The following PGM3 variants were observed in gnomAD, a reference collection of about 807,000 sequenced individuals.
The protein encoded by PGM3 is phosphoglucomutase 3, also known as phosphoacetylglucosamine mutase.
Under a neutral mutation model 66.2 loss-of-function variants are expected in PGM3, and 40 were observed. The observed-to-expected ratio is 0.60, with a 90% CI of 0.47 to 0.79. PGM3 has a LOEUF of 0.79. PGM3 is among the 30% of genes least tolerant of loss of function. The probability of loss-of-function intolerance (pLI) is 0.00; values close to 1 mark genes in which losing one functional copy is unlikely to be tolerated. For synonymous variants in PGM3, 191 were observed against 224.2 expected, an observed-to-expected ratio of 0.85 and a Z score of 1.32; for missense variants, 537 against 643.4, an observed-to-expected ratio of 0.83 and a Z score of 1.79.
the PGM3 span, chr6:83,153,457 G>A: frequency 2.6e-6 from 3 of 1,160,804 alleles, no homozygotes; most frequent in Non-Finnish European, 2.5e-6. Flanking sequence ...CAGTACCTTG[G>A]GATGATGTCA....
At position 83,188,793 on chromosome 6, in the gene PGM3, GT is replaced by G. The variant is rs1562430986; in HGVS notation, c.209del (p.Asp70AlafsTer4). On this transcript the variant is annotated frameshift_variant, in exon 3 of 13. Coordinates refer to ENST00000513973, the MANE Select transcript of PGM3 (RefSeq NM_015599.3). LOFTEE classifies it high-confidence loss of function. ...AAGGATCAACCAATTTTACACCATT[GT>G]CTTCCTTAAAAGAAAAACAAACAAT... The part of the protein sequence containing the change: ...MVTASHNPEE[D>X]NGVKLVDPLG... 6.2e-7 allele frequency: 1 copy of G among 1,613,618 alleles called. No individual in the cohort carries two copies. The highest frequency in any genetic ancestry group is 8.5e-7 in the Non-Finnish European group (1 of 1,179,688).
At chr6:83,173,292 A>G (rs1192897412) in intron 10 of PGM3, among the ~76,000 whole-genome samples, 1 of 151,662 alleles carries the variant, frequency 6.6e-6, no homozygotes, top group East Asian at 1.9e-4. Context: ...AATGAAAGGT[A>G]TAACAAAGAA....
downstream of PGM3, among the ~76,000 whole-genome samples, chr6:83,156,867 C>G (rs1782912771): frequency 6.6e-6 from 1 of 151,364 alleles, no homozygotes; most frequent in African/African-American, 2.4e-5. Context: ...CAGTGCTACT[C>G]AAAGTATGGT....
Position 83,190,817 on chromosome 6 carries a change from T to C in PGM3, c.196A>G (p.Asn66Asp), listed in dbSNP as rs1036699399. The C allele has an allele frequency of 6.2e-6, 10 of 1,612,964 alleles. No individual in the cohort carries two copies. Among genetic ancestry groups the C allele is most frequent in the Non-Finnish European group, 8.5e-6 (10 of 1,179,058 alleles). Residue 66 changes from asparagine (N) to aspartate (D), a missense_variant, in exon 2 of 13, where the codon AAT becomes GAT. Asn to Asp is a conservative substitution (Grantham distance 23). Transcript: ENST00000513973. Reference sequence around the variant, plus strand: ...GGCACTAAACCCATTACCTCAGGATTGTGGGACGCTGTTACCATGACTCCT... The same window carrying C: ...GGCACTAAACCCATTACCTCAGGATCGTGGGACGCTGTTACCATGACTCCT... ...TIGVMVTASH[N>D]PEEDNGVKLV...
chr6:83,187,128 T>G, intron 3 of PGM3, 53 bp from the exon 4 acceptor site: 1 of 1,164,288 alleles, frequency 8.6e-7, no homozygotes, highest in South Asian at 1.3e-5. Flanking sequence ...CTGGCAGGGT[T>G]GCTGGTTCTG....
Position 83,170,412 on chromosome 6 carries a change from G to A in PGM3, c.1432C>T (p.Gln478Ter). ...ERQAVTPPGL[Q>*]EAINDLVKKY... is the part of the protein sequence containing the mutation. ...TTCACCAGGTCATTGATTGCCTCCT[G>A]TAATCCTGGGGGTGTAACTGCTTGT... is the stretch of plus-strand genomic sequence containing the variant. Residue 478 changes from glutamine to a stop codon, truncating the protein, a stop_gained, in exon 12 of 13, where the codon CAG (glutamine) becomes TAG (stop). Coordinates refer to ENST00000513973, the MANE Select transcript of PGM3 (RefSeq NM_015599.3). LOFTEE classifies it high-confidence loss of function. 9.3e-6 allele frequency: 15 copies of A among 1,614,010 alleles called. No individual in the cohort carries two copies. The highest frequency in any genetic ancestry group is 1.2e-5 in the Non-Finnish European group (14 of 1,179,916).
chr6:83,160,089 T>G (rs948667660), downstream of PGM3: 6 of 898,608 alleles, frequency 6.7e-6, no homozygotes, highest in African/African-American at 8.4e-5. Context: ...AAAATGTAAT[T>G]CTTTTGGCAC....
At chr6:83,192,586 G>A (rs1358357516) in intron 1 of PGM3, among the ~76,000 whole-genome samples, 1 of 152,074 alleles carries the variant, frequency 6.6e-6, no homozygotes, top group Non-Finnish European at 1.5e-5. Flanking sequence ...GTTCAAGACA[G>A]TGATCAGATC....
the PGM3 span, among the ~76,000 whole-genome samples, chr6:83,149,776 G>A: frequency 1.5e-4 from 23 of 152,190 alleles, no homozygotes; most frequent in African/African-American, 5.3e-4. Flanking sequence ...GATAAAGAAG[G>A]AGAAGGGGCC....
chr6:83,153,705 T>C, the PGM3 span: 1 of 1,250,378 alleles, frequency 8.0e-7, no homozygotes, highest in Non-Finnish European at 1.1e-6. Context: ...ATTTCTAGAA[T>C]TATCATAAAA....
intron 4 of PGM3, among the ~76,000 whole-genome samples, chr6:83,183,731 A>AT (rs909606033): frequency 3.3e-4 from 49 of 147,734 alleles, no homozygotes; most frequent in African/African-American, 4.2e-4. Flanking sequence ...TTTGTCATGA[A>AT]TTTTTTTTTT....
At position 83,168,302 on chromosome 6, in the gene PGM3, G is replaced by A; in HGVS notation, c.*932C>T. ...CAGATTGTATTTAATTTAAATATTT[G>A]TATATAAGAGCAAATGTCTGAATGT... On this transcript the variant is annotated 3_prime_UTR_variant, in exon 13 of 13. Coordinates refer to ENST00000513973, the MANE Select transcript of PGM3 (RefSeq NM_015599.3). 1 of 1,428,904 alleles carries A rather than the reference G, an allele frequency of 7.0e-7. No individual in the cohort carries two copies. The highest frequency in any genetic ancestry group is 9.1e-7 in the Non-Finnish European group (1 of 1,097,844). 88.5% of individuals were successfully genotyped at this position (1,428,904 alleles called of 1,614,324 possible).
intron 12 of PGM3, 157 bp downstream of exon 12, chr6:83,170,148 T>A (rs1387356347): frequency 4.7e-6 from 3 of 641,530 alleles, no homozygotes; most frequent in Non-Finnish European, 7.9e-6. Flanking sequence ...GTATAATTAC[T>A]GCTGGTGAAA....
At chr6:83,152,332 G>A in the PGM3 span, 2 of 1,561,944 alleles carry the variant, frequency 1.3e-6, no homozygotes, top group Middle Eastern at 1.7e-4. Flanking sequence ...AACTCCTTCT[G>A]TATATAGTGT....
intron 2 of PGM3, among the ~76,000 whole-genome samples, chr6:83,189,460 A>G (rs1020284854): frequency 1.8e-4 from 27 of 152,220 alleles, no homozygotes; most frequent in African/African-American, 5.8e-4. Flanking sequence ...CTAGAAGTCA[A>G]TCAGTCAATC....
chr6:83,180,921 T>G (rs1053651065), intron 6 of PGM3, among the ~76,000 whole-genome samples: 3 of 152,214 alleles, frequency 2.0e-5, no homozygotes, highest in Non-Finnish European at 4.4e-5. Context: ...TCTATCTGAC[T>G]GTAGTGGACT....
intron 8 of PGM3, among the ~76,000 whole-genome samples, chr6:83,177,190 C>G (rs1190511288): frequency 6.6e-6 from 1 of 152,160 alleles, no homozygotes; most frequent in Non-Finnish European, 1.5e-5. Flanking sequence ...AGGAATCTGA[C>G]TTTGTAATTC....
Position 83,174,357 on chromosome 6 carries a change from GC to G in PGM3, c.1242+16del, listed in dbSNP as rs753685470. ...ATGTAAAGGTAACCAAGAGTCCACT[GC>G]CCCATCAGTTCTGACCTGGTTAAAC... On this transcript the variant is annotated intron_variant, in intron 10 of 12. Coordinates refer to ENST00000513973, the MANE Select transcript of PGM3 (RefSeq NM_015599.3). The G allele has an allele frequency of 8.0e-7, 1 of 1,246,740 alleles. No homozygotes were observed. Among genetic ancestry groups the G allele is most frequent in the Non-Finnish European group, 1.2e-6 (1 of 847,574 alleles). The allele number at this position is 1,246,740 out of a possible 1,614,324, so 77.2% of individuals were successfully genotyped here.
At chr6:83,152,067 G>C in the PGM3 span, 2 of 1,607,302 alleles carry the variant, frequency 1.2e-6, no homozygotes, top group Non-Finnish European at 1.7e-6. Context: ...TCTGTAAGCA[G>C]GCATATATTT....
Sources: allele counts gnomAD v4.1 joint callset (sites outside exome capture counted in the v4.1 genomes callset), GRCh38; gene constraint gnomAD v4.1.1; transcripts MANE v1.5; gene names NCBI Gene and HGNC (gene_info 2026-07-23, HGNC 2026-07-21).